PRKG2: variants seen among roughly 807,000 people sequenced by gnomAD.
PRKG2 encodes protein kinase cGMP-dependent 2.
In PRKG2, 33 loss-of-function variants were observed where a neutral mutation model predicts 97.2. That is an observed-to-expected ratio of 0.34 (90% CI 0.26 to 0.45). The LOEUF (loss-of-function observed/expected upper bound fraction) is 0.45, where lower values mean the gene tolerates loss of function less well. PRKG2 is among the 20% of genes least tolerant of loss of function. The probability of loss-of-function intolerance (pLI) is 1.00; values close to 1 mark genes in which losing one functional copy is unlikely to be tolerated. For missense variants in PRKG2, 638 were observed against 900.0 expected (o/e 0.71, Z 3.73); for synonymous variants, 330 against 321.8 (o/e 1.03, Z -0.27).
chr4:81,155,696 T>C (rs1289507557), intron 6 of PRKG2, among the ~76,000 whole-genome samples: 1 of 151,408 alleles, frequency 6.6e-6, no homozygotes, highest in Non-Finnish European at 1.5e-5. Context: ...CGGGTTACCC[T>C]CAAAGGGAAG....
intron 6 of PRKG2, among the ~76,000 whole-genome samples, chr4:81,154,712 C>A (rs1327506180): frequency 6.6e-6 from 1 of 152,160 alleles, no homozygotes; most frequent in Admixed American, 6.5e-5. Flanking sequence ...AGCAGAGCGC[C>A]TCTCCTCCTC....
chr4:81,099,334 T>G (rs1428580659), intron 17 of PRKG2, among the ~76,000 whole-genome samples: 1 of 152,088 alleles, frequency 6.6e-6, no homozygotes, highest in Non-Finnish European at 1.5e-5. Context: ...GCAAACCGAA[T>G]CCAGCAGCAC....
rs902892587 is a variant in PRKG2, at chr4:81,169,758, A to G, written c.753T>C (p.Asn251=). 2.8e-5 allele frequency: 45 copies of G among 1,602,278 alleles called. No individual in the cohort carries two copies. The highest frequency in any genetic ancestry group is 3.7e-5 in the Non-Finnish European group (43 of 1,172,956). ...CTCGATCTAGTGCCCATGTTTTAAC[A>G]TTGGTAATAGCTTTAGAAAATTCAA... ...TRTASVKAIT[N]VKTWALDREV... The change falls in exon 5 of 19, where the codon AAT becomes AAC. Residue 251 remains asparagine, a synonymous_variant. Transcript: ENST00000264399.
At chr4:81,207,560 T>C (rs1753749617) in intron 1 of PRKG2, among the ~76,000 whole-genome samples, 1 of 152,146 alleles carries the variant, frequency 6.6e-6, no homozygotes, top group African/African-American at 2.4e-5. Flanking sequence ...TTAGAATCAT[T>C]TTTGCTCTAT....
intron 14 of PRKG2, among the ~76,000 whole-genome samples, chr4:81,122,181 G>A (rs893026851): frequency 6.6e-6 from 1 of 152,176 alleles, no homozygotes; most frequent in Non-Finnish European, 1.5e-5. Context: ...TGCATAGGTT[G>A]AGAACAAAGT....
At chr4:81,139,122 G>A (rs1747001154) in intron 12 of PRKG2, among the ~76,000 whole-genome samples, 1 of 152,188 alleles carries the variant, frequency 6.6e-6, no homozygotes, top group Admixed American at 6.5e-5. Context: ...ATAGAAAGCT[G>A]TGGTCTATAA....
intron 14 of PRKG2, among the ~76,000 whole-genome samples, chr4:81,123,720 A>G (rs1210512843): frequency 6.6e-6 from 1 of 152,156 alleles, no homozygotes; most frequent in East Asian, 1.9e-4. Flanking sequence ...TATTTTTTAA[A>G]TGTATTTGAC....
At chr4:81,155,859 C>T (rs1358241722) in intron 6 of PRKG2, among the ~76,000 whole-genome samples, 1 of 152,004 alleles carries the variant, frequency 6.6e-6, no homozygotes, top group Non-Finnish European at 1.5e-5. Flanking sequence ...AAATAAAATC[C>T]TTTACAGACA....
chr4:81,137,685 T>A (rs1225501352), intron 12 of PRKG2, among the ~76,000 whole-genome samples: 1 of 152,186 alleles, frequency 6.6e-6, no homozygotes, highest in Admixed American at 6.5e-5. Flanking sequence ...TCACTTAGAT[T>A]GGCCTTTCTC....
At chr4:81,209,922 C>T (rs766159993) in intron 1 of PRKG2, among the ~76,000 whole-genome samples, 1 of 151,994 alleles carries the variant, frequency 6.6e-6, no homozygotes, top group Admixed American at 6.6e-5. Flanking sequence ...CTAAACAGTA[C>T]AGTCAACTGA....
intron 2 of PRKG2, among the ~76,000 whole-genome samples, chr4:81,196,967 C>T (rs1306605100): frequency 6.6e-6 from 1 of 152,090 alleles, no homozygotes; most frequent in African/African-American, 2.4e-5. Context: ...GTCTGAAAAT[C>T]GAAACGTTTC....
At chr4:81,092,547 T>G in intron 17 of PRKG2, 95 bp from the exon 18 acceptor site, 1 of 780,250 alleles carries the variant, frequency 1.3e-6, no homozygotes. Context: ...GGAATATTAC[T>G]TGGATGATAA....
intron 6 of PRKG2, among the ~76,000 whole-genome samples, chr4:81,154,471 G>A (rs1225695622): frequency 1.3e-5 from 2 of 149,274 alleles, no homozygotes; most frequent in Non-Finnish European, 2.9e-5. Context: ...CCTGACCCCC[G>A]AGCAGCCTAA....
chr4:81,143,012 T>C (rs1747450807), intron 10 of PRKG2, 65 bp from the exon 11 acceptor site: 1 of 1,497,370 alleles, frequency 6.7e-7, no homozygotes, highest in Non-Finnish European at 9.0e-7. Context: ...ATGCCATACA[T>C]AAATTTCACT....
intron 14 of PRKG2, among the ~76,000 whole-genome samples, chr4:81,130,994 G>A (rs201659526): frequency 6.6e-6 from 1 of 152,146 alleles, no homozygotes; most frequent in African/African-American, 2.4e-5. Context: ...GGAATGAATG[G>A]TTCTGTCTCA....
intron 6 of PRKG2, among the ~76,000 whole-genome samples, chr4:81,162,485 T>C (rs1167911865): frequency 6.6e-6 from 1 of 152,122 alleles, no homozygotes; most frequent in Non-Finnish European, 1.5e-5. Flanking sequence ...GAAAACCACA[T>C]GTTGAAAATG....
chr4:81,174,684 T>C (rs918471611), intron 3 of PRKG2, 109 bp downstream of exon 3: 1 of 1,135,760 alleles, frequency 8.8e-7, no homozygotes, highest in Admixed American at 2.4e-5. Flanking sequence ...TTCAATATGT[T>C]ATGTTTTCTA....
intron 2 of PRKG2, among the ~76,000 whole-genome samples, chr4:81,177,271 A>T (rs761692059): frequency 3.9e-5 from 6 of 152,208 alleles, no homozygotes; most frequent in Non-Finnish European, 2.9e-5. Context: ...TTAATTAAAC[A>T]TGACCCATGG....
chr4:81,144,264 G>A lies in PRKG2; in HGVS notation c.1221C>T (p.Asn407=). ...GTCTTTTTTCATCATCACGGTTCAG[G>A]TTTGCCACATATCCTTCAAGGTATT... ...LQKYLEGYVA[N]LNRDDEKRHA... is the part of the protein sequence containing the mutation. The change falls in exon 10 of 19, where the codon AAC becomes AAT. Residue 407 remains asparagine, a synonymous_variant. Transcript: ENST00000264399. 6.2e-7 allele frequency: 1 copy of A among 1,611,936 alleles called. No homozygotes were observed. The highest frequency in any genetic ancestry group is 8.5e-7 in the Non-Finnish European group (1 of 1,178,286).
Sources: gnomAD v4.1 joint callset for allele counts (sites outside exome capture counted in the v4.1 genomes callset) on GRCh38, gnomAD v4.1.1 for gene constraint, MANE v1.5 for transcripts, NCBI Gene and HGNC (gene_info 2026-07-23, HGNC 2026-07-21) for gene names.